Variants in SCARA5 observed in about 807,000 individuals in gnomAD.
SCARA5 encodes the protein scavenger receptor class A member 5, also known as scavenger receptor class A, member 5 (putative).
Under a neutral mutation model 46.3 loss-of-function variants are expected in SCARA5, and 45 were observed. The observed-to-expected ratio is 0.97, with a 90% CI of 0.76 to 1.24. The LOEUF (loss-of-function observed/expected upper bound fraction) is 1.24. Ranked by LOEUF, SCARA5 falls within the 50% of genes most tolerant of loss-of-function variation. SCARA5 has a pLI of 0.00. For missense variants in SCARA5, 680 were observed against 689.0 expected (o/e 0.99, Z 0.15); for synonymous variants, 333 against 306.5 (o/e 1.09, Z -0.90).
chr8:27,869,898 TG>T lies in SCARA5; in HGVS notation c.*2035del, dbSNP rs1203176652. The T allele has an allele frequency of 2.0e-5, 3 of 152,256 alleles. No homozygotes were observed. The highest frequency in any genetic ancestry group is 4.4e-5 in the Non-Finnish European group (3 of 68,044). 9.4% of individuals were successfully genotyped at this position (152,256 alleles called of 1,614,324 possible). A position where few individuals can be genotyped will look rare whatever the true frequency, so the allele number is the denominator to read the frequency against. ...AATGGAAAGCTTGTGACATGTTTTTTGCTTTATTGAAATTCTTTCTTACAAA... is the reference window on the plus strand; with the variant it reads ...AATGGAAAGCTTGTGACATGTTTTTTCTTTATTGAAATTCTTTCTTACAAA... On this transcript the variant is annotated 3_prime_UTR_variant, in exon 9 of 9. Coordinates refer to ENST00000354914, the MANE Select transcript of SCARA5 (RefSeq NM_173833.6).
intron 4 of SCARA5, among the ~76,000 whole-genome samples, chr8:27,914,692 C>T (rs1682188043): frequency 6.6e-6 from 1 of 152,224 alleles, no homozygotes; most frequent in Non-Finnish European, 1.5e-5. Context: ...TTTTCTGTCA[C>T]CAAGGCAGGC....
In SCARA5 at chr8:27,921,992, C is replaced by A; in HGVS notation, c.495G>T (p.Gln165His). 1 of 1,554,704 alleles carries A rather than the reference C, an allele frequency of 6.4e-7. No individual in the cohort carries two copies. Residue 165 changes from glutamine (Q) to histidine (H), a missense_variant, in exon 4 of 9, where the codon CAG becomes CAT. Around this residue, in one of 3 missense-constraint regions of SCARA5, gnomAD observed 438 missense variants for 384.5 expected, o/e 1.14. Coordinates refer to ENST00000354914, the MANE Select transcript of SCARA5 (RefSeq NM_173833.6). ...GLQAQAVQTE[Q>H]AVALLRDRTG... The stretch of plus-strand genomic sequence containing the variant: ...TGCGGTCCCGCAGCAGGGCCACCGC[C>A]TGCTCGGTCTGCACCGCCTGCGCCT...
chr8:27,884,353 C>T (rs1026173477), intron 7 of SCARA5, among the ~76,000 whole-genome samples: 2 of 152,330 alleles, frequency 1.3e-5, no homozygotes, highest in South Asian at 2.1e-4. Flanking sequence ...AGAAACTCCC[C>T]GGGAGCAGTA....
At chr8:27,917,484 A>G (rs1018112810) in intron 4 of SCARA5, among the ~76,000 whole-genome samples, 3 of 152,146 alleles carry the variant, frequency 2.0e-5, no homozygotes, top group Non-Finnish European at 4.4e-5. Flanking sequence ...AGTGCCTCAA[A>G]TACAGGGAAC....
intron 3 of SCARA5, among the ~76,000 whole-genome samples, chr8:27,958,965 G>C (rs1192293487): frequency 6.6e-6 from 1 of 152,174 alleles, no homozygotes; most frequent in African/African-American, 2.4e-5. Flanking sequence ...AGGCGCGGTG[G>C]CTCATGCCTG....
At chr8:27,910,949 C>A (rs530783166) in intron 4 of SCARA5, among the ~76,000 whole-genome samples, 35 of 152,276 alleles carry the variant, frequency 2.3e-4, no homozygotes, top group Admixed American at 7.2e-4. Context: ...ACCACACAGG[C>A]GGCGAGTGAG....
rs536205490 is a variant in SCARA5 at position 27,915,513 on chromosome 8, A to G, written c.917-5770T>C. Among the ~76,000 whole-genome samples, 116 of 152,208 alleles carry G rather than the reference A, an allele frequency of 7.6e-4. 2 individuals are homozygous for G. The highest frequency in any genetic ancestry group is 2.5e-3 in the African/African-American group (104 of 41,528). Reference sequence around the variant, plus strand: ...GTCACTCCACTCAGAGATGTTCCCCACTTTCAGCAGGTCCCTACTACCCAG... The same window carrying G: ...GTCACTCCACTCAGAGATGTTCCCCGCTTTCAGCAGGTCCCTACTACCCAG... On this transcript the variant is annotated intron_variant, in intron 4 of 8. Transcript: ENST00000354914.
chr8:27,873,837 A>G (rs546245800), intron 8 of SCARA5, among the ~76,000 whole-genome samples: 71 of 152,350 alleles, frequency 4.7e-4, no homozygotes, highest in African/African-American at 1.6e-3. Flanking sequence ...CCTGGTCAAC[A>G]TGGCAAAACC....
intron 2 of SCARA5, 62 bp from the exon 3 acceptor site, chr8:27,966,604 T>C (rs1384921687): frequency 6.6e-7 from 1 of 1,509,670 alleles, no homozygotes; most frequent in Non-Finnish European, 8.9e-7. Context: ...TAAGCTCTTT[T>C]CTTTTTTGGT....
chr8:27,968,977 C>T (rs1012320208), intron 2 of SCARA5, among the ~76,000 whole-genome samples: 18 of 152,186 alleles, frequency 1.2e-4, no homozygotes, highest in Non-Finnish European at 2.5e-4. Context: ...TTGAGCAAGA[C>T]TTGGTTACTT....
chr8:27,935,096 C>T (rs755677998), intron 3 of SCARA5, among the ~76,000 whole-genome samples: 4 of 152,208 alleles, frequency 2.6e-5, no homozygotes, highest in South Asian at 2.1e-4. Flanking sequence ...TGCAGGAAAT[C>T]GATTCTCCCT....
chr8:27,879,325 G>A lies in SCARA5; in HGVS notation c.1351+244C>T, dbSNP rs1370437258. 3.3e-5 allele frequency among the ~76,000 whole-genome samples: 5 copies of A among 152,262 alleles called. No individual in the cohort carries two copies. In the East Asian group the frequency reaches 9.7e-4, roughly 29 times the overall value. ...ACACAGGACTGGGAAGGGCTGGTAT[G>A]GGACACCACCAGGACAGGACTTAGA... On this transcript the variant is annotated intron_variant, in intron 8 of 8. Coordinates refer to ENST00000354914, the MANE Select transcript of SCARA5 (RefSeq NM_173833.6).
At chr8:27,903,335 T>C (rs1383333416) in intron 7 of SCARA5, 3 of 152,250 alleles carry the variant, frequency 2.0e-5, no homozygotes, top group Non-Finnish European at 4.4e-5. Context: ...TGATGTGTAC[T>C]GCATGGCCAA....
intron 3 of SCARA5, among the ~76,000 whole-genome samples, chr8:27,953,917 G>C (rs1027228346): frequency 6.6e-6 from 1 of 152,184 alleles, no homozygotes; most frequent in Non-Finnish European, 1.5e-5. Flanking sequence ...AGAAAGTCGG[G>C]GTCTGCATCT....
intron 3 of SCARA5, among the ~76,000 whole-genome samples, chr8:27,951,582 C>T (rs1360509781): frequency 6.6e-6 from 1 of 152,220 alleles, no homozygotes; most frequent in African/African-American, 2.4e-5. Context: ...GAGGCTGGAC[C>T]TCCGGTGCAG....
At chr8:27,913,666 G>A (rs370835369) in intron 4 of SCARA5, among the ~76,000 whole-genome samples, 2 of 152,072 alleles carry the variant, frequency 1.3e-5, no homozygotes, top group Non-Finnish European at 1.5e-5. Flanking sequence ...CCCTGTCTCC[G>A]TCTCTCTCCA....
intron 7 of SCARA5, among the ~76,000 whole-genome samples, chr8:27,883,038 C>T (rs1229771429): frequency 6.6e-6 from 1 of 152,248 alleles, no homozygotes; most frequent in African/African-American, 2.4e-5. Flanking sequence ...GGGCACAATC[C>T]TGGCCCATGG....
At chr8:27,944,175 C>G (rs143750230) in intron 3 of SCARA5, among the ~76,000 whole-genome samples, 2 of 152,280 alleles carry the variant, frequency 1.3e-5, no homozygotes, top group Non-Finnish European at 2.9e-5. Context: ...GACTATGGAG[C>G]CATGAAAACC....
chr8:27,929,748 T>C (rs879599048), intron 3 of SCARA5, among the ~76,000 whole-genome samples: 3 of 152,210 alleles, frequency 2.0e-5, no homozygotes, highest in Non-Finnish European at 4.4e-5. Flanking sequence ...GAGATGACAT[T>C]TATTAATCAC....
Sources: gnomAD v4.1 joint callset for allele counts (sites outside exome capture counted in the v4.1 genomes callset) on GRCh38, gnomAD v4.1.1 for gene constraint, gnomAD v4.1.1 regional missense constraint, MANE v1.5 for transcripts, NCBI Gene and HGNC (gene_info 2026-07-23, HGNC 2026-07-21) for gene names.